DLG1: variants seen among roughly 807,000 people sequenced by gnomAD.
The protein encoded by DLG1 is disks large homolog 1.
DLG1 carries 42 observed loss-of-function variants against 123.4 expected under a neutral mutation model. That is an observed-to-expected ratio of 0.34 (90% confidence interval 0.27 to 0.44). The LOEUF (loss-of-function observed/expected upper bound fraction) is 0.44. Ranked by LOEUF, DLG1 falls within the 20% of genes least tolerant of loss-of-function variation. The pLI is 1.00. For synonymous variants in DLG1, 317 were observed against 356.2 expected, an observed-to-expected ratio of 0.89 and a Z score of 1.24; for missense variants, 942 against 1,082.6, an observed-to-expected ratio of 0.87 and a Z score of 1.82.
At chr3:197,143,569 T>C (rs1789164342) in intron 6 of DLG1, among the ~76,000 whole-genome samples, 1 of 152,206 alleles carries the variant, frequency 6.6e-6, no homozygotes, top group Non-Finnish European at 1.5e-5. Context: ...GCTGGATCTT[T>C]TTAAAGCCCA....
intron 4 of DLG1, among the ~76,000 whole-genome samples, chr3:197,252,527 C>T (rs113737242): frequency 0.011 from 1,659 of 152,000 alleles, 32 homozygotes; most frequent in African/African-American, 0.037. Context: ...GTGGTACTTA[C>T]GGTAGTTAAA....
rs1770516781 is a variant in DLG1, at chr3:197,283,856, GTTGTT to G, written c.152-1016_152-1012del. 2.2e-5 allele frequency among the ~76,000 whole-genome samples: 3 copies of G among 136,864 alleles called. No homozygotes were observed. The South Asian group carries it at 7.1e-4, about 32-fold the overall frequency. The allele number at this position is 136,864 out of a possible 152,430, so 89.8% of individuals were successfully genotyped here. On this transcript the variant is annotated intron_variant, in intron 3 of 24. Transcript: ENST00000667157. ...CAAACTTAACTCCCTTTTCAGTTGG[GTTGTT>G]TTTTTTTTTTTTTTTTTTGAGACAG...
chr3:197,178,596 G>T (rs1808389760), intron 5 of DLG1, among the ~76,000 whole-genome samples: 1 of 152,186 alleles, frequency 6.6e-6, no homozygotes, highest in Non-Finnish European at 1.5e-5. Context: ...CACCTGAAAT[G>T]TGAGTATAAA....
At chr3:197,222,279 C>T (rs1410779970) in intron 4 of DLG1, among the ~76,000 whole-genome samples, 1 of 152,132 alleles carries the variant, frequency 6.6e-6, no homozygotes, top group South Asian at 2.1e-4. Context: ...TTTCCCCTTT[C>T]CACCCTTTCC....
At chr3:197,051,532 A>G in intron 24 of DLG1, 45 bp downstream of exon 24, 1 of 1,553,406 alleles carries the variant, frequency 6.4e-7, no homozygotes, top group Admixed American at 1.7e-5. Context: ...ATGGCTTCAA[A>G]GCAAAATTCT....
intron 19 of DLG1, among the ~76,000 whole-genome samples, chr3:197,068,777 G>A (rs1234775834): frequency 6.6e-6 from 1 of 152,078 alleles, no homozygotes; most frequent in Non-Finnish European, 1.5e-5. Flanking sequence ...CGTTCACCAA[G>A]TGCTGGTGAT....
At chr3:197,255,582 G>T (rs186054554) in intron 4 of DLG1, among the ~76,000 whole-genome samples, 2 of 152,228 alleles carry the variant, frequency 1.3e-5, no homozygotes, top group African/African-American at 4.8e-5. Context: ...GTTTTACACA[G>T]CTTTCTTCAT....
chr3:197,057,380 C>T (rs1484969434), intron 23 of DLG1, among the ~76,000 whole-genome samples: 1 of 152,230 alleles, frequency 6.6e-6, no homozygotes, highest in South Asian at 2.1e-4. Context: ...CCGCACCTGA[C>T]AGTCGTTGAC....
intron 22 of DLG1, among the ~76,000 whole-genome samples, chr3:197,061,582 T>C (rs1735875557): frequency 1.6e-5 from 1 of 64,478 alleles, no homozygotes; most frequent in Admixed American, 1.4e-4. Flanking sequence ...TCTGACACAG[T>C]TCCTCAGTCT....
intron 3 of DLG1, among the ~76,000 whole-genome samples, chr3:197,288,451 G>A (rs1772986759): frequency 6.6e-6 from 1 of 150,972 alleles, no homozygotes; most frequent in Non-Finnish European, 1.5e-5. Context: ...GCCAGGCACA[G>A]TGGTTCATGC....
chr3:197,226,822 T>A (rs1280256726), intron 4 of DLG1, among the ~76,000 whole-genome samples: 1 of 152,248 alleles, frequency 6.6e-6, no homozygotes, highest in Non-Finnish European at 1.5e-5. Flanking sequence ...ATTTATCCAC[T>A]CTTTCAAATA....
chr3:197,068,686 C>A, intron 19 of DLG1: 3 of 543,126 alleles, frequency 5.5e-6, no homozygotes, highest in Non-Finnish European at 3.3e-6. Context: ...CTTAATAAAA[C>A]CAAGAATGTA....
At chr3:197,200,662 A>G (rs906066564) in intron 4 of DLG1, among the ~76,000 whole-genome samples, 7 of 152,230 alleles carry the variant, frequency 4.6e-5, no homozygotes, top group Non-Finnish European at 7.3e-5. Context: ...GGAGGCAAGG[A>G]TAGTTCAACA....
intron 6 of DLG1, among the ~76,000 whole-genome samples, chr3:197,147,017 G>A (rs552917754): frequency 7.2e-5 from 11 of 152,018 alleles, no homozygotes; most frequent in Non-Finnish European, 1.3e-4. Context: ...AGGAAGATAC[G>A]CAAATGGCTG....
chr3:197,294,639 CAG>C (rs1349345994), intron 3 of DLG1, among the ~76,000 whole-genome samples: 3 of 120,626 alleles, frequency 2.5e-5, no homozygotes, highest in African/African-American at 9.9e-5. Context: ...GCCTGGGTGA[CAG>C]AGTGAGACTC....
At chr3:197,169,425 C>T (rs986410127) in intron 5 of DLG1, among the ~76,000 whole-genome samples, 32 of 152,134 alleles carry the variant, frequency 2.1e-4, no homozygotes, top group African/African-American at 6.7e-4. Context: ...CAAATCAAGA[C>T]ACATTTTGAA....
At chr3:197,048,836 G>A (rs961367636) in intron 24 of DLG1, among the ~76,000 whole-genome samples, 21 of 151,994 alleles carry the variant, frequency 1.4e-4, no homozygotes, top group Non-Finnish European at 2.8e-4. Context: ...TGTATTTTTA[G>A]TAGAGAAAAG....
chr3:197,172,618 G>C (rs1377573395), intron 5 of DLG1, among the ~76,000 whole-genome samples: 1 of 152,162 alleles, frequency 6.6e-6, no homozygotes, highest in Non-Finnish European at 1.5e-5. Context: ...TTGGGCAATA[G>C]ATTGGGTAGG....
rs930577050 is a variant in DLG1, at chr3:197,184,914, T to C, written c.483+9511A>G. On this transcript the variant is annotated intron_variant, in intron 5 of 24. Coordinates refer to ENST00000667157, the MANE Select transcript of DLG1 (RefSeq NM_001366207.1). ...TGAGAATTGCCTGGGGCGCTAGTTATATATGCAGATTGGTGTATCCTCTCC... is the reference window on the plus strand; with the variant it reads ...TGAGAATTGCCTGGGGCGCTAGTTACATATGCAGATTGGTGTATCCTCTCC... Among the ~76,000 whole-genome samples the C allele has an allele frequency of 4.7e-4, 71 of 152,306 alleles. 1 individual carries two copies. The highest frequency in any genetic ancestry group is 1.7e-3 in the African/African-American group (69 of 41,574).
Sources: allele counts gnomAD v4.1 joint callset (sites outside exome capture counted in the v4.1 genomes callset), GRCh38; gene constraint gnomAD v4.1.1; transcripts MANE v1.5; gene names NCBI Gene and HGNC (gene_info 2026-07-23, HGNC 2026-07-21).